Variants in DNAH14 observed in about 807,000 individuals in gnomAD.
DNAH14 encodes the protein dynein axonemal heavy chain 14.
A neutral mutation model predicts 520.9 loss-of-function variants in DNAH14; 478 were observed. The ratio of observed to expected loss-of-function variants is 0.92; its 90% CI spans 0.85 to 0.99. The LOEUF (loss-of-function observed/expected upper bound fraction) is 0.99, where lower values mean the gene tolerates loss of function less well. Ranked by LOEUF, DNAH14 falls within the 50% of genes least tolerant of loss-of-function variation. DNAH14 has a pLI of 0.00. For synonymous variants in DNAH14, 1,581 were observed against 1,757.2 expected (o/e 0.90, Z 2.51); for missense variants, 4,831 against 5,234.5 (o/e 0.92, Z 2.38).
At chr1:225,361,223 C>T (rs377443254) in intron 75 of DNAH14, among the ~76,000 whole-genome samples, 68 of 152,272 alleles carry the variant, frequency 4.5e-4, no homozygotes, top group African/African-American at 1.6e-3. Flanking sequence ...TTTTAATATT[C>T]GATGTGATTC....
At chr1:224,959,793 G>C (rs2060731559) in intron 3 of DNAH14, among the ~76,000 whole-genome samples, 1 of 152,050 alleles carries the variant, frequency 6.6e-6, no homozygotes, top group African/African-American at 2.4e-5. Context: ...AGTTACTTTT[G>C]TATCAACCTA....
chr1:225,073,518 A>G (rs1406879246), intron 17 of DNAH14, among the ~76,000 whole-genome samples: 1 of 152,002 alleles, frequency 6.6e-6, no homozygotes, highest in African/African-American at 2.4e-5. Flanking sequence ...CTGGGGTGCC[A>G]CCTCTGCCCC....
Position 225,259,130 on chromosome 1 carries a change from G to A in DNAH14, c.7034G>A (p.Gly2345Asp), listed in dbSNP as rs1402043032. 9.1e-6 allele frequency: 14 copies of A among 1,542,150 alleles called. No individual in the cohort carries two copies. The highest frequency in any genetic ancestry group is 2.4e-5 in the South Asian group (2 of 81,958). The change falls in exon 46 of 86, where the codon GGT becomes GAT. Residue 2345 changes from glycine to aspartate, a missense_variant. Transcript: ENST00000682510. ...SCPVLLTGES[G>D]VGKTAAINQM... ...GTATTTTTTCCCTTAGGAGAATCTG[G>A]TGTTGGGAAAACTGCTGCCATTAAT...
intron 81 of DNAH14, among the ~76,000 whole-genome samples, chr1:225,385,673 G>A (rs2095832922): frequency 6.6e-6 from 1 of 152,072 alleles, no homozygotes; most frequent in South Asian, 2.1e-4. Flanking sequence ...AACTTACAAG[G>A]GATGTGAAGG....
At position 225,353,902 on chromosome 1, in the gene DNAH14, T is replaced by C. The variant is rs573817791; in HGVS notation, c.11619+14T>C. The C allele has an allele frequency of 1.5e-6, 2 of 1,323,470 alleles. No homozygotes were observed. Among genetic ancestry groups the C allele is most frequent in the Middle Eastern group, 1.8e-4 (1 of 5,448 alleles). 82.0% of individuals were successfully genotyped at this position (1,323,470 alleles called of 1,614,324 possible). ...AGACTTATTTTGGTAAGATATCTTA[T>C]GAGGAAATATTAATATTCTAAATAT... On this transcript the variant is annotated intron_variant, in intron 73 of 85. Transcript: ENST00000682510.
intron 31 of DNAH14, among the ~76,000 whole-genome samples, chr1:225,150,408 T>C (rs2153246): frequency 0.13 from 19,108 of 152,180 alleles, 3,705 homozygotes; most frequent in African/African-American, 0.42. Context: ...GCTGTTCCCA[T>C]AGAGTGGGTT....
At chr1:225,299,747 CCATAT>C (rs2094100970) in intron 55 of DNAH14, among the ~76,000 whole-genome samples, 1 of 152,184 alleles carries the variant, frequency 6.6e-6, no homozygotes, top group African/African-American at 2.4e-5. Flanking sequence ...CTTCTTCTGG[CCATAT>C]CATTGCTTTT....
In DNAH14 at chr1:225,257,760, C is replaced by T. The variant is rs556919454; in HGVS notation, c.6866-200C>T. Among the ~76,000 whole-genome samples, 3 of 152,132 alleles carry T rather than the reference C, an allele frequency of 2.0e-5. No homozygotes were observed. In the South Asian group the frequency reaches 6.2e-4, roughly 32 times the overall value. ...CCGCGTTAGCCAGGATGGTCTCGAT[C>T]TCCTGAACTCCTGATCTGCCAGCCT... is the stretch of plus-strand genomic sequence containing the variant. On this transcript the variant is annotated intron_variant, in intron 44 of 85. Transcript: ENST00000682510.
rs925288545 is a variant in DNAH14 at position 225,208,295 on chromosome 1, T to TA, written c.6439+1084dup. Among the ~76,000 whole-genome samples, 8 of 149,072 alleles carry TA rather than the reference T, an allele frequency of 5.4e-5. No individual in the cohort carries two copies. The East Asian group carries it at 6.0e-4, about 11-fold the overall frequency. On this transcript the variant is annotated intron_variant, in intron 41 of 85. Transcript: ENST00000682510. ...TGGAAACAAAGCAAAAAGAATCAGT[T>TA]AAAAAAAAACAACAACTGGAGGTTA...
chr1:225,324,870 C>T (rs1358731040), intron 64 of DNAH14, 38 bp downstream of exon 64: 1 of 1,454,430 alleles, frequency 6.9e-7, no homozygotes, highest in Non-Finnish European at 9.4e-7. Flanking sequence ...TAAGACAAAA[C>T]ACCAGGACAA....
At chr1:225,392,153 C>T in intron 83 of DNAH14, 138 bp from the exon 84 acceptor site, 1 of 1,108,160 alleles carries the variant, frequency 9.0e-7, no homozygotes, top group Non-Finnish European at 1.3e-6. Flanking sequence ...GTCCTCTGCT[C>T]CCGCCCAGCC....
chr1:225,245,269 T>C (rs1246941616), intron 43 of DNAH14, among the ~76,000 whole-genome samples: 1 of 152,194 alleles, frequency 6.6e-6, no homozygotes, highest in Non-Finnish European at 1.5e-5. Context: ...TCCACTTATG[T>C]GATCAATTTT....
chr1:225,029,909 G>T (rs569121244), intron 11 of DNAH14, among the ~76,000 whole-genome samples: 16 of 152,002 alleles, frequency 1.1e-4, no homozygotes, highest in African/African-American at 3.9e-4. Flanking sequence ...GAAAAATTTT[G>T]TTATAAAATC....
intron 27 of DNAH14, among the ~76,000 whole-genome samples, chr1:225,140,075 A>G (rs16844331): frequency 0.077 from 11,692 of 152,260 alleles, 1,448 homozygotes; most frequent in African/African-American, 0.26. Flanking sequence ...TTATTCCCAC[A>G]TTCATATCTT....
intron 21 of DNAH14, among the ~76,000 whole-genome samples, chr1:225,086,202 G>C (rs756213739): frequency 1.3e-5 from 2 of 151,548 alleles, no homozygotes; most frequent in Non-Finnish European, 2.9e-5. Context: ...GTGCTGTCTC[G>C]GCTCACTGCA....
At position 225,119,216 on chromosome 1, in the gene DNAH14, T is replaced by G; in HGVS notation, c.4092-4T>G. The G allele has an allele frequency of 6.6e-7, 1 of 1,515,502 alleles. No homozygotes were observed. Among genetic ancestry groups the G allele is most frequent in the South Asian group, 1.3e-5 (1 of 74,716 alleles). The allele number at this position is 1,515,502 out of a possible 1,614,324, so 93.9% of individuals were successfully genotyped here. ...CATGATATTATTTTTGAAACTAATT[T>G]TAGGAAAATTCGTGTAAGAAGTGCT... On this transcript the variant is annotated splice_region_variant and splice_polypyrimidine_tract_variant and intron_variant, in intron 25 of 85. Transcript: ENST00000682510.
intron 11 of DNAH14, among the ~76,000 whole-genome samples, chr1:225,036,717 C>G (rs1472102741): frequency 6.6e-6 from 1 of 152,200 alleles, no homozygotes; most frequent in African/African-American, 2.4e-5. Flanking sequence ...TCACTTCCCT[C>G]TGTGCCTGAG....
At position 225,083,777 on chromosome 1, in the gene DNAH14, G is replaced by A. The variant is rs552250301; in HGVS notation, c.3327+1038G>A. 2.6e-5 allele frequency among the ~76,000 whole-genome samples: 4 copies of A among 152,220 alleles called. No individual in the cohort carries two copies. The East Asian group carries it at 7.7e-4, about 29-fold the overall frequency. On this transcript the variant is annotated intron_variant, in intron 20 of 85. Transcript: ENST00000682510. ...GATATACATGCCCAAGAGGAATTCA[G>A]CAAGATAGCTAGGTGATGTCAGAGC... is the stretch of plus-strand genomic sequence containing the variant.
intron 17 of DNAH14, among the ~76,000 whole-genome samples, chr1:225,061,220 C>T (rs1005419700): frequency 8.5e-5 from 13 of 152,330 alleles, no homozygotes; most frequent in African/African-American, 2.6e-4. Flanking sequence ...ATGGCAGGTG[C>T]CCCTCCCCTA....
Sources: allele counts gnomAD v4.1 joint callset (sites outside exome capture counted in the v4.1 genomes callset), GRCh38; gene constraint gnomAD v4.1.1; transcripts MANE v1.5; gene names NCBI Gene and HGNC (gene_info 2026-07-23, HGNC 2026-07-21).